The following SLFN12L variants were observed in gnomAD, a reference collection of about 807,000 sequenced individuals.
The protein encoded by SLFN12L is schlafen family member 12-like.
In SLFN12L, 34 loss-of-function variants were observed where a neutral mutation model predicts 34.8. That is an observed-to-expected ratio of 0.98 (90% CI 0.74 to 1.30). SLFN12L has a LOEUF of 1.30. SLFN12L is among the 50% of genes most tolerant of loss of function. The pLI, the probability that SLFN12L is intolerant of heterozygous loss-of-function variation, is 0.00. For missense variants in SLFN12L, 703 were observed against 696.2 expected, an observed-to-expected ratio of 1.01 and a Z score of -0.11; for synonymous variants, 259 against 247.5, an observed-to-expected ratio of 1.05 and a Z score of -0.44.
intron 1 of SLFN12L, among the ~76,000 whole-genome samples, chr17:35,528,741 T>C (rs2072362333): frequency 6.6e-6 from 1 of 152,134 alleles, no homozygotes; most frequent in Non-Finnish European, 1.5e-5. Flanking sequence ...ATAAAAATCC[T>C]AGAAGGAAAC....
At chr17:35,506,556 C>T (rs141910569) in intron 2 of SLFN12L, among the ~76,000 whole-genome samples, 48 of 152,160 alleles carry the variant, frequency 3.2e-4, no homozygotes, top group African/African-American at 1.1e-3. Context: ...GAGTAAATAT[C>T]GTGGTTTGAG....
At chr17:35,517,802 A>T (rs1915877798) in intron 2 of SLFN12L, among the ~76,000 whole-genome samples, 1 of 152,218 alleles carries the variant, frequency 6.6e-6, no homozygotes, top group Non-Finnish European at 1.5e-5. Context: ...TGGGGAAAGG[A>T]TTCCCTGTTT....
intron 2 of SLFN12L, chr17:35,499,200 C>T: frequency 1.1e-6 from 1 of 941,696 alleles, no homozygotes; most frequent in Non-Finnish European, 1.6e-6. Flanking sequence ...GTTTTTTCTT[C>T]CCTGCACCTG....
intron 2 of SLFN12L, among the ~76,000 whole-genome samples, chr17:35,495,946 C>CAA (rs1391224789): frequency 7.4e-6 from 1 of 136,018 alleles, no homozygotes; most frequent in Non-Finnish European, 1.6e-5. Context: ...CACACACACA[C>CAA]AACAAAACGC....
rs757743915 is a variant in SLFN12L, at chr17:35,475,494, G to T, written c.1277-9C>A. 17 of 1,564,738 alleles carry T rather than the reference G, an allele frequency of 1.1e-5. No individual in the cohort carries two copies. The highest frequency in any genetic ancestry group is 1.0e-5 in the Non-Finnish European group (12 of 1,159,972). ...TATCTTTTCTGATAGCCCTAGATGG[G>T]GAAATAATGATAAATTATAAAAGAC... On this transcript the variant is annotated splice_polypyrimidine_tract_variant and intron_variant, in intron 4 of 4. Coordinates refer to ENST00000628453, the MANE Select transcript of SLFN12L (RefSeq NM_001363830.2).
intron 1 of SLFN12L, among the ~76,000 whole-genome samples, chr17:35,530,406 G>A (rs2072382295): frequency 1.8e-4 from 2 of 11,158 alleles, no homozygotes; most frequent in African/African-American, 5.9e-4. Context: ...AGGAAGGAAG[G>A]AAGGAAGGAA....
chr17:35,476,469 GGA>G (rs1914015658), intron 4 of SLFN12L, among the ~76,000 whole-genome samples: 1 of 85,306 alleles, frequency 1.2e-5, no homozygotes, highest in Non-Finnish European at 2.4e-5. Flanking sequence ...AAGGAAGGAA[GGA>G]AGGAAGGAAG....
chr17:35,510,556 T>C (rs965192200), intron 2 of SLFN12L, among the ~76,000 whole-genome samples: 5 of 152,106 alleles, frequency 3.3e-5, no homozygotes, highest in African/African-American at 9.7e-5. Flanking sequence ...GGCACGTCCA[T>C]AGAGACAGAG....
chr17:35,489,988 A>C (rs986840940), intron 2 of SLFN12L: 8 of 1,545,400 alleles, frequency 5.2e-6, no homozygotes, highest in South Asian at 1.1e-5. Context: ...CAAATTGGGA[A>C]TAGAAAGAAA....
chr17:35,475,700 A>G (rs1024245622), intron 4 of SLFN12L, among the ~76,000 whole-genome samples: 5 of 152,002 alleles, frequency 3.3e-5, no homozygotes, highest in African/African-American at 1.2e-4. Flanking sequence ...GGTGTTCAAG[A>G]CCAGTCTAGG....
At chr17:35,482,234 A>T (rs1380631530) in intron 2 of SLFN12L, among the ~76,000 whole-genome samples, 1 of 152,220 alleles carries the variant, frequency 6.6e-6, no homozygotes, top group African/African-American at 2.4e-5. Context: ...CAAAATTCAT[A>T]TGTTGAAATT....
chr17:35,494,392 T>C (rs912036833), intron 2 of SLFN12L, among the ~76,000 whole-genome samples: 1 of 152,164 alleles, frequency 6.6e-6, no homozygotes, highest in African/African-American at 2.4e-5. Flanking sequence ...AAAAAAGAAA[T>C]ATCCTTAATC....
chr17:35,480,846 A>C (rs1291443858), intron 2 of SLFN12L, among the ~76,000 whole-genome samples: 4 of 152,106 alleles, frequency 2.6e-5, no homozygotes, highest in Non-Finnish European at 5.9e-5. Context: ...CCAGGTGCCA[A>C]GGCAAGAGAC....
At chr17:35,516,291 C>T (rs895581157) in intron 2 of SLFN12L, among the ~76,000 whole-genome samples, 11 of 152,192 alleles carry the variant, frequency 7.2e-5, no homozygotes, top group Non-Finnish European at 5.9e-5. Flanking sequence ...TTCTTCATTC[C>T]ATTTTCCAGC....
chr17:35,508,020 G>T (rs996559222), intron 2 of SLFN12L, among the ~76,000 whole-genome samples: 1 of 152,180 alleles, frequency 6.6e-6, no homozygotes, highest in African/African-American at 2.4e-5. Flanking sequence ...GCCTGGTGCC[G>T]TGCCCTGGGC....
intron 2 of SLFN12L, among the ~76,000 whole-genome samples, chr17:35,506,282 A>G (rs1381846398): frequency 2.0e-5 from 3 of 152,228 alleles, no homozygotes; most frequent in African/African-American, 7.2e-5. Flanking sequence ...TAATTAGGAA[A>G]GAGGCTGTAT....
At chr17:35,512,109 G>A (rs1435059852) in intron 2 of SLFN12L, among the ~76,000 whole-genome samples, 2 of 151,434 alleles carry the variant, frequency 1.3e-5, no homozygotes, top group Non-Finnish European at 2.9e-5. Flanking sequence ...GGAACAGAAA[G>A]TGGCAATTGT....
intron 2 of SLFN12L, among the ~76,000 whole-genome samples, chr17:35,508,740 T>C (rs1173894855): frequency 6.6e-6 from 1 of 152,174 alleles, no homozygotes; most frequent in Non-Finnish European, 1.5e-5. Context: ...GACAGTTCTC[T>C]TTTCCTTGGA....
chr17:35,504,964 C>A (rs1483760707), intron 2 of SLFN12L, among the ~76,000 whole-genome samples: 1 of 152,170 alleles, frequency 6.6e-6, no homozygotes, highest in African/African-American at 2.4e-5. Flanking sequence ...GGCATTTCAT[C>A]AACCAGAGGG....
Sources: allele counts gnomAD v4.1 joint callset (sites outside exome capture counted in the v4.1 genomes callset), GRCh38; gene constraint gnomAD v4.1.1; transcripts MANE v1.5; gene names NCBI Gene and HGNC (gene_info 2026-07-23, HGNC 2026-07-21).